The following USH1C variants were observed in gnomAD, a reference collection of about 807,000 sequenced individuals.
USH1C encodes the protein harmonin.
A neutral mutation model predicts 119.3 loss-of-function variants in USH1C; 90 were observed. That is an observed-to-expected ratio of 0.75 (90% CI 0.64 to 0.90). The LOEUF (loss-of-function observed/expected upper bound fraction) is 0.90. Ranked by LOEUF, USH1C falls within the 40% of genes least tolerant of loss-of-function variation. USH1C has a pLI of 0.00. For synonymous variants in USH1C, 465 were observed against 443.3 expected (o/e 1.05, Z -0.62); for missense variants, 1,165 against 1,167.7 (o/e 1.00, Z 0.03).
chr11:17,530,568 G>A (rs1231396272), intron 4 of USH1C, among the ~76,000 whole-genome samples: 1 of 152,242 alleles, frequency 6.6e-6, no homozygotes, highest in Non-Finnish European at 1.5e-5. Context: ...CACAGCATTT[G>A]TATGCCAGGC....
intron 8 of USH1C, among the ~76,000 whole-genome samples, chr11:17,525,309 G>A (rs12275068): frequency 0.1 from 15,760 of 152,218 alleles, 990 homozygotes; most frequent in South Asian, 0.26. Flanking sequence ...TACTTGGTTG[G>A]CTTCTAGATT....
At position 17,537,443 on chromosome 11, in the gene USH1C, G is replaced by A. The variant is rs1436537123; in HGVS notation, c.37-4121C>T. On this transcript the variant is annotated intron_variant, in intron 1 of 26. Coordinates refer to ENST00000005226, the MANE Select transcript of USH1C (RefSeq NM_153676.4). ...AACCATGTCATGCACACAAGCGCAC[G>A]GTGCCCAGTGGCGTCCGTTGATGAA... 2.6e-5 allele frequency among the ~76,000 whole-genome samples: 4 copies of A among 152,256 alleles called. 1 individual carries two copies. The highest frequency in any genetic ancestry group is 2.4e-5 in the African/African-American group (1 of 41,534).
intron 25 of USH1C, 132 bp from the exon 26 acceptor site, chr11:17,495,809 C>T (rs1849228755): frequency 7.6e-6 from 7 of 921,136 alleles, no homozygotes; most frequent in Non-Finnish European, 1.2e-5. Context: ...GAATTAGGAG[C>T]TGCGAGACCC....
chr11:17,498,138 A>T (rs374294753), intron 24 of USH1C, 24 bp downstream of exon 24: 2 of 1,605,856 alleles, frequency 1.2e-6, no homozygotes, highest in Non-Finnish European at 1.7e-6. Context: ...GAGGGAGGAA[A>T]GGAGGGAGGG....
intron 23 of USH1C, among the ~76,000 whole-genome samples, chr11:17,499,265 TA>T (rs1259175400): frequency 1.3e-5 from 2 of 152,162 alleles, no homozygotes; most frequent in African/African-American, 4.8e-5. Context: ...TGAAGGCCCA[TA>T]GGAATGTGGT....
chr11:17,497,839 G>C (rs1353795843), intron 24 of USH1C, among the ~76,000 whole-genome samples: 1 of 152,186 alleles, frequency 6.6e-6, no homozygotes, highest in Non-Finnish European at 1.5e-5. Flanking sequence ...GTAGCCCCCA[G>C]AATTCTCTTG....
chr11:17,533,924 G>C, intron 1 of USH1C: 1 of 312,842 alleles, frequency 3.2e-6, no homozygotes, highest in South Asian at 2.8e-5. Flanking sequence ...CCCTCCCCAG[G>C]CCCCTGCACA....
intron 23 of USH1C, among the ~76,000 whole-genome samples, chr11:17,500,419 T>C (rs1253440070): frequency 6.6e-6 from 1 of 152,188 alleles, no homozygotes; most frequent in Admixed American, 6.5e-5. Flanking sequence ...TAACAGAACC[T>C]GCTTTCAGGG....
intron 1 of USH1C, among the ~76,000 whole-genome samples, chr11:17,543,736 C>A (rs188440810): frequency 5.6e-4 from 85 of 152,302 alleles, no homozygotes; most frequent in African/African-American, 2.0e-3. Context: ...CCCGGGTCAG[C>A]ACCAGCTCCT....
intron 4 of USH1C, among the ~76,000 whole-genome samples, chr11:17,528,662 A>C (rs1850823051): frequency 6.6e-6 from 1 of 152,198 alleles, no homozygotes; most frequent in South Asian, 2.1e-4. Flanking sequence ...GGGGTCCTCT[A>C]GGGCAACTCC....
At chr11:17,542,347 A>C (rs571317576) in intron 1 of USH1C, among the ~76,000 whole-genome samples, 7 of 152,232 alleles carry the variant, frequency 4.6e-5, no homozygotes, top group Non-Finnish European at 1.0e-4. Flanking sequence ...TCTGTGCTTC[A>C]TCCTCTCTCC....
At chr11:17,516,622 C>T (rs1850157953) in intron 14 of USH1C, 1 of 392,852 alleles carries the variant, frequency 2.5e-6, no homozygotes, top group Non-Finnish European at 4.9e-6. Context: ...TTCCAAATCA[C>T]AGTCTTCACA....
Position 17,520,908 on chromosome 11 carries a change from G to A in USH1C, c.1172C>T (p.Thr391Ile). 2 of 1,614,168 alleles carry A rather than the reference G, an allele frequency of 1.2e-6. No individual in the cohort carries two copies. Among genetic ancestry groups the A allele is most frequent in the Non-Finnish European group, 1.7e-6 (2 of 1,180,020 alleles). The change falls in exon 14 of 27, where the codon ACT becomes ATT. Residue 391 changes from threonine (T) to isoleucine (I), a missense_variant. By Grantham distance (89) the Thr-to-Ile change is moderately conservative. Coordinates refer to ENST00000005226, the MANE Select transcript of USH1C (RefSeq NM_153676.4). Reference protein sequence around the residue: ...KEQLLLPKTITAEVHPVPLRK... With the variant: ...KEQLLLPKTIIAEVHPVPLRK... The stretch of plus-strand genomic sequence containing the variant: ...AAGGGGTACTGGGTGTACCTCAGCA[G>A]TGATGGTTTTAGGCAAGAGTAGCTG...
intron 11 of USH1C, 30 bp from the exon 12 acceptor site, chr11:17,522,956 G>A (rs1337457943): frequency 6.2e-7 from 1 of 1,603,118 alleles, no homozygotes; most frequent in Non-Finnish European, 8.5e-7. Flanking sequence ...CCCTTGCTCA[G>A]CCCCCGGGGA....
At chr11:17,501,635 C>T in intron 21 of USH1C, 100 bp from the exon 22 acceptor site, 1 of 1,363,144 alleles carries the variant, frequency 7.3e-7, no homozygotes, top group Non-Finnish European at 1.0e-6. Flanking sequence ...GACACTGGGC[C>T]CCACAGAGCA....
chr11:17,507,596 C>T (rs1035026118), intron 18 of USH1C, among the ~76,000 whole-genome samples: 19 of 152,240 alleles, frequency 1.2e-4, no homozygotes, highest in Non-Finnish European at 2.4e-4. Context: ...CCATTCTTAA[C>T]TTAGAATGTG....
Position 17,511,971 on chromosome 11 carries a change from C to G in USH1C, c.1344G>C (p.Lys448Asn). Residue 448 changes from lysine to asparagine, a missense_variant, in exon 16 of 27, where the codon AAG (lysine) becomes AAC (asparagine). Transcript: ENST00000005226. ...KNKKELEFEQKLYKEKEEMLE... is the reference protein window; with the variant it reads ...KNKKELEFEQNLYKEKEEMLE... ...GCATTTCCTCTTTCTCTTTGTAAAG[C>G]TTTTGCTCAAACTCCAGTTCTTTCT... The G allele has an allele frequency of 6.2e-7, 1 of 1,614,228 alleles. No individual in the cohort carries two copies.
intron 26 of USH1C, 175 bp from the exon 27 acceptor site, chr11:17,494,551 C>G (rs765249820): frequency 1.4e-6 from 1 of 705,318 alleles, no homozygotes; most frequent in Non-Finnish European, 2.5e-6. Flanking sequence ...GCCACAGCCA[C>G]AGCACACAGG....
chr11:17,511,331 A>C (rs1849879960), intron 16 of USH1C, among the ~76,000 whole-genome samples: 1 of 109,768 alleles, frequency 9.1e-6, no homozygotes, highest in South Asian at 3.1e-4. Context: ...AGCCAAGCTA[A>C]GTTGGGTGGG....
Sources: gnomAD v4.1 joint callset for allele counts (sites outside exome capture counted in the v4.1 genomes callset) on GRCh38, gnomAD v4.1.1 for gene constraint, MANE v1.5 for transcripts, NCBI Gene and HGNC (gene_info 2026-07-23, HGNC 2026-07-21) for gene names.